Variants in TAF4 observed in about 807,000 individuals in gnomAD.
The protein encoded by TAF4 is TATA-box binding protein associated factor 4, also known as transcription initiation factor TFIID subunit 4.
TAF4 carries 9 observed loss-of-function variants against 90.3 expected under a neutral mutation model. The observed-to-expected ratio is 0.10, with a 90% CI of 0.06 to 0.17. The LOEUF (loss-of-function observed/expected upper bound fraction) is 0.17. Among genes scored for constraint, TAF4 ranks in the 10% least tolerant of loss-of-function variants. TAF4 has a pLI of 1.00. For missense variants in TAF4, 1,351 were observed against 1,370.7 expected (o/e 0.99, Z 0.23); for synonymous variants, 818 against 638.9 (o/e 1.28, Z -4.23).
chr20:61,984,400 C>A (rs1001298170), intron 14 of TAF4, among the ~76,000 whole-genome samples: 3 of 152,250 alleles, frequency 2.0e-5, no homozygotes, highest in Non-Finnish European at 4.4e-5. Context: ...CGGAACTCAG[C>A]CCCAACAGCA....
chr20:62,011,419 A>G (rs6061952), intron 3 of TAF4, among the ~76,000 whole-genome samples: 13,720 of 152,230 alleles, frequency 0.09, 1,551 homozygotes, highest in African/African-American at 0.27. Context: ...CACTAAGTAT[A>G]ATGCAAAAAC....
In TAF4 at chr20:62,065,406, C is replaced by A; in HGVS notation, c.405G>T (p.Gly135=). ...CGGCGGCGGGCACCGGGGCGCAGGA[C>A]CCCGCGCTGCCCTCGGGCGGCGGCC... is the stretch of plus-strand genomic sequence containing the variant. ...KLRPPPEGSA[G]SCAPVPAAAA... is the part of the protein sequence containing the mutation. Residue 135 remains glycine, a synonymous_variant, in exon 1 of 15, where the codon GGG becomes GGT. Coordinates refer to ENST00000252996, the MANE Select transcript of TAF4 (RefSeq NM_003185.4). The A allele has an allele frequency of 1.0e-6, 1 of 972,366 alleles. No homozygotes were observed. Among genetic ancestry groups the A allele is most frequent in the Non-Finnish European group, 1.2e-6 (1 of 823,210 alleles). The allele number at this position is 972,366 out of a possible 1,614,324, so 60.2% of individuals were successfully genotyped here.
intron 14 of TAF4, among the ~76,000 whole-genome samples, chr20:61,996,764 G>A (rs1315899457): frequency 6.9e-6 from 1 of 145,872 alleles, no homozygotes; most frequent in African/African-American, 2.6e-5. Flanking sequence ...ACGCCACTGC[G>A]CTCCCACCTG....
chr20:62,012,753 A>G, intron 3 of TAF4, 62 bp downstream of exon 3: 2 of 1,528,078 alleles, frequency 1.3e-6, no homozygotes, highest in South Asian at 1.2e-5. Flanking sequence ...TGATCTCTGC[A>G]TCAAAGAAAT....
intron 1 of TAF4, among the ~76,000 whole-genome samples, chr20:62,038,262 C>T (rs2055945047): frequency 1.3e-5 from 2 of 151,854 alleles, no homozygotes; most frequent in African/African-American, 4.8e-5. Flanking sequence ...CTCCTGACCT[C>T]GTGATCCACC....
chr20:62,004,667 A>G (rs2055732880), intron 7 of TAF4: 1 of 151,950 alleles, frequency 6.6e-6, no homozygotes, highest in Non-Finnish European at 1.5e-5. Flanking sequence ...GGGCTTTTCT[A>G]CTGGAGTGGG....
Position 62,006,728 on chromosome 20 carries a change from G to A in TAF4, c.2005C>T (p.Pro669Ser), listed in dbSNP as rs1278401913. The A allele has an allele frequency of 6.5e-7, 1 of 1,550,380 alleles. No homozygotes were observed. The highest frequency in any genetic ancestry group is 1.8e-5 in the Admixed American group (1 of 54,176). ...RSLPALRQLTPDSAAFIQQSQ... is the reference protein window; with the variant it reads ...RSLPALRQLTSDSAAFIQQSQ... ...TGCTGGATGAAGGCCGCGGAGTCGGGGGTCAGCTGTCTCAAGGCGGGTAAG... is the reference window on the plus strand; with the variant it reads ...TGCTGGATGAAGGCCGCGGAGTCGGAGGTCAGCTGTCTCAAGGCGGGTAAG... The change falls in exon 7 of 15, where the codon CCC becomes TCC. Residue 669 changes from proline (P) to serine (S), a missense_variant. Around this residue, in one of 9 missense-constraint regions of TAF4, gnomAD observed 202 missense variants for 229.7 expected, o/e 0.88. Transcript: ENST00000252996. The surrounding 1 kb of genome is among the most constrained non-coding windows in gnomAD (Gnocchi z 7.0).
intron 8 of TAF4, among the ~76,000 whole-genome samples, 200 bp from the exon 9 acceptor site, chr20:62,003,474 TC>T (rs895194191): frequency 1.2e-4 from 18 of 152,348 alleles, no homozygotes; most frequent in African/African-American, 4.3e-4. Context: ...TTCCTGTATT[TC>T]ATCAAGGTTT....
intron 5 of TAF4, among the ~76,000 whole-genome samples, chr20:62,008,445 TG>T (rs1304267861): frequency 6.8e-6 from 1 of 146,354 alleles, no homozygotes; most frequent in Non-Finnish European, 1.5e-5. Flanking sequence ...ATCTGGAGCT[TG>T]GGACTGTGGG....
At chr20:62,047,760 C>T (rs1383444834) in intron 1 of TAF4, among the ~76,000 whole-genome samples, 3 of 152,258 alleles carry the variant, frequency 2.0e-5, no homozygotes, top group Admixed American at 6.5e-5. Context: ...CAGACTTCGC[C>T]ATGAGAAGAG....
At chr20:61,999,709 G>A (rs550319702) in intron 11 of TAF4, among the ~76,000 whole-genome samples, 19 of 152,334 alleles carry the variant, frequency 1.2e-4, no homozygotes, top group African/African-American at 3.1e-4. Context: ...ATTTAAGGAG[G>A]CCAAGTCAGG....
intron 1 of TAF4, among the ~76,000 whole-genome samples, chr20:62,063,231 C>T (rs1353507466): frequency 6.6e-6 from 1 of 152,202 alleles, no homozygotes. Context: ...CCACCAGCCC[C>T]GAACCTCACA....
intron 1 of TAF4, among the ~76,000 whole-genome samples, chr20:62,015,635 G>A (rs371429639): frequency 6.8e-4 from 104 of 152,306 alleles, no homozygotes; most frequent in African/African-American, 2.3e-3. Flanking sequence ...GCCAAGCCAC[G>A]GGGCACAGGG....
intron 12 of TAF4, 140 bp downstream of exon 12, chr20:61,998,843 T>A (rs1255142456): frequency 9.2e-7 from 1 of 1,090,070 alleles, no homozygotes; most frequent in Non-Finnish European, 1.3e-6. Context: ...GCAGCTCCAC[T>A]GACAGCACCC....
intron 4 of TAF4, among the ~76,000 whole-genome samples, chr20:62,009,679 T>C (rs1022760847): frequency 4.0e-5 from 6 of 151,864 alleles, no homozygotes; most frequent in African/African-American, 1.5e-4. Flanking sequence ...AACACAACAG[T>C]TCACCAGTGA....
At chr20:62,036,272 G>A (rs777926759) in intron 1 of TAF4, among the ~76,000 whole-genome samples, 2 of 152,184 alleles carry the variant, frequency 1.3e-5, no homozygotes, top group African/African-American at 2.4e-5. Context: ...TGATCCACCC[G>A]CCTCGGCCTC....
At chr20:61,990,876 C>T (rs551966082) in intron 14 of TAF4, among the ~76,000 whole-genome samples, 42 of 152,292 alleles carry the variant, frequency 2.8e-4, no homozygotes, top group African/African-American at 9.4e-4. Context: ...AGTCAGCAAA[C>T]GCTGCAAACC....
intron 14 of TAF4, among the ~76,000 whole-genome samples, chr20:61,983,397 T>C (rs1206140095): frequency 1.3e-5 from 2 of 152,030 alleles, no homozygotes; most frequent in Admixed American, 6.5e-5. Context: ...AACTCACACC[T>C]GTAATCTCAA....
intron 1 of TAF4, among the ~76,000 whole-genome samples, chr20:62,022,872 G>A (rs932503186): frequency 1.4e-4 from 19 of 133,960 alleles, no homozygotes; most frequent in Middle Eastern, 4.1e-3. Flanking sequence ...CCCCCCCCCC[G>A]CACATTGCAG....
Sources: allele counts gnomAD v4.1 joint callset (sites outside exome capture counted in the v4.1 genomes callset), GRCh38; gene constraint gnomAD v4.1.1; regional missense constraint gnomAD v4.1.1; non-coding constraint Gnocchi (gnomAD v3.1); transcripts MANE v1.5; gene names NCBI Gene and HGNC (gene_info 2026-07-23, HGNC 2026-07-21).